The following STXBP6 variants were observed in gnomAD, a reference collection of about 807,000 sequenced individuals.
STXBP6 encodes the protein syntaxin binding protein 6.
Under a neutral mutation model 26.9 loss-of-function variants are expected in STXBP6, and 21 were observed. The observed-to-expected ratio is 0.78, with a 90% confidence interval of 0.55 to 1.12. The LOEUF (loss-of-function observed/expected upper bound fraction) is 1.12. Among genes scored for constraint, STXBP6 ranks in the 50% most tolerant of loss-of-function variants. STXBP6 has a pLI of 0.00. For missense variants in STXBP6, 232 were observed against 257.9 expected (o/e 0.90, Z 0.69); for synonymous variants, 97 against 92.6 (o/e 1.05, Z -0.27).
At chr14:24,984,062 T>C (rs1035480139) in intron 1 of STXBP6, among the ~76,000 whole-genome samples, 1 of 152,104 alleles carries the variant, frequency 6.6e-6, no homozygotes, top group East Asian at 1.9e-4. Flanking sequence ...TGAAACCCTG[T>C]CTCTAGTAAA....
chr14:24,834,139 T>C (rs923187938), intron 4 of STXBP6, among the ~76,000 whole-genome samples: 4 of 152,272 alleles, frequency 2.6e-5, no homozygotes, highest in African/African-American at 7.2e-5. Flanking sequence ...GGATTGCAGA[T>C]GTGCACCACC....
intron 2 of STXBP6, among the ~76,000 whole-genome samples, chr14:24,883,260 T>C (rs1169837906): frequency 1.3e-5 from 2 of 152,066 alleles, no homozygotes; most frequent in Non-Finnish European, 2.9e-5. Flanking sequence ...CATGTTTTTT[T>C]TTAAAAAATA....
At chr14:24,999,014 A>G (rs1016762784) in intron 1 of STXBP6, among the ~76,000 whole-genome samples, 2 of 152,178 alleles carry the variant, frequency 1.3e-5, no homozygotes, top group African/African-American at 4.8e-5. Context: ...ATATACATAT[A>G]TACATACATT....
intron 2 of STXBP6, among the ~76,000 whole-genome samples, chr14:24,938,469 G>C (rs949588250): frequency 1.3e-5 from 2 of 151,874 alleles, no homozygotes; most frequent in Non-Finnish European, 2.9e-5. Context: ...TTTGCTGTAT[G>C]GTAGACACTG....
At chr14:24,839,236 C>A (rs988372956) in intron 4 of STXBP6, among the ~76,000 whole-genome samples, 5 of 152,124 alleles carry the variant, frequency 3.3e-5, no homozygotes, top group African/African-American at 1.2e-4. Flanking sequence ...CTGTTCAAGT[C>A]CTAATCTGAC....
chr14:24,828,442 T>G (rs1016438506), intron 4 of STXBP6, among the ~76,000 whole-genome samples: 3 of 152,176 alleles, frequency 2.0e-5, no homozygotes, highest in African/African-American at 7.2e-5. Flanking sequence ...CAAAATTGAT[T>G]ATAATTGGAT....
At chr14:24,892,608 T>C (rs1339279329) in intron 2 of STXBP6, among the ~76,000 whole-genome samples, 1 of 152,192 alleles carries the variant, frequency 6.6e-6, no homozygotes, top group South Asian at 2.1e-4. Flanking sequence ...CCCCTCTCCA[T>C]GTTGTCTTCC....
chr14:25,022,828 C>T (rs887701983), intron 1 of STXBP6, among the ~76,000 whole-genome samples: 1 of 152,170 alleles, frequency 6.6e-6, no homozygotes, highest in African/African-American at 2.4e-5. Flanking sequence ...CAACTGCCTA[C>T]TCAACATCAC....
At chr14:24,854,607 AT>A (rs769718300) in intron 4 of STXBP6, among the ~76,000 whole-genome samples, 1 of 152,022 alleles carries the variant, frequency 6.6e-6, no homozygotes, top group Non-Finnish European at 1.5e-5. Context: ...GAAACCTGGG[AT>A]TTCCTGGCCA....
At chr14:24,848,412 C>T (rs1234283834) in intron 4 of STXBP6, among the ~76,000 whole-genome samples, 1 of 152,044 alleles carries the variant, frequency 6.6e-6, no homozygotes, top group East Asian at 1.9e-4. Context: ...ATATTTATGT[C>T]TTCTGGTTGA....
rs2067929024 is a variant in STXBP6, at chr14:24,814,964, T to G, written c.610-2232A>C. 2.0e-5 allele frequency among the ~76,000 whole-genome samples: 3 copies of G among 149,730 alleles called. No homozygotes were observed. The South Asian group carries it at 6.4e-4, about 32-fold the overall frequency. The stretch of plus-strand genomic sequence containing the variant: ...AATTGTGAGAAATAAATTTCTGTTG[T>G]ATATAAGTCACCCAGTTTATGGTAT... On this transcript the variant is annotated intron_variant, in intron 5 of 5. Transcript: ENST00000323944.
At chr14:24,963,740 C>T (rs1007298687) in intron 2 of STXBP6, among the ~76,000 whole-genome samples, 4 of 152,130 alleles carry the variant, frequency 2.6e-5, no homozygotes, top group African/African-American at 9.7e-5. Flanking sequence ...TCAGGTGCTT[C>T]ACAATTTTAA....
intron 2 of STXBP6, among the ~76,000 whole-genome samples, chr14:24,959,381 A>G (rs2073451015): frequency 6.6e-6 from 1 of 152,176 alleles, no homozygotes; most frequent in Admixed American, 6.5e-5. Flanking sequence ...TGGACAGGTC[A>G]CCTGAGTGAG....
intron 1 of STXBP6, among the ~76,000 whole-genome samples, chr14:25,031,329 A>G (rs891370678): frequency 6.6e-6 from 1 of 152,208 alleles, no homozygotes; most frequent in Non-Finnish European, 1.5e-5. Flanking sequence ...GATTGGAATT[A>G]AGAATTCTGA....
chr14:24,997,549 G>C (rs1019717666), intron 1 of STXBP6, among the ~76,000 whole-genome samples: 11 of 152,172 alleles, frequency 7.2e-5, no homozygotes, highest in Non-Finnish European at 1.2e-4. Flanking sequence ...TAAACTCCTA[G>C]TGCTCAGTAT....
intron 2 of STXBP6, among the ~76,000 whole-genome samples, chr14:24,870,276 CCT>C (rs1156860183): frequency 1.3e-5 from 2 of 152,002 alleles, no homozygotes; most frequent in African/African-American, 4.8e-5. Context: ...ATGTGAAGTC[CCT>C]AGATCAACAA....
At chr14:24,930,914 A>G in intron 2 of STXBP6, among the ~76,000 whole-genome samples, 1 of 148,432 alleles carries the variant, frequency 6.7e-6, no homozygotes, top group Non-Finnish European at 1.5e-5. Flanking sequence ...GATCGAGACC[A>G]TCCTGGCTAA....
chr14:24,855,956 C>T lies in STXBP6; in HGVS notation c.431G>A (p.Cys144Tyr). The T allele has an allele frequency of 2.5e-6, 4 of 1,603,512 alleles. No homozygotes were observed. The highest frequency in any genetic ancestry group is 3.4e-6 in the Non-Finnish European group (4 of 1,176,156). The part of the protein sequence containing the change: ...LTDRKPEFIN[C>Y]QSKIMGGNSI... ...CTCACCTCCCATAATTTTGGATTGGCAGTTAATAAACTCTGGCTTCCTGTC... is the reference window on the plus strand; with the variant it reads ...CTCACCTCCCATAATTTTGGATTGGTAGTTAATAAACTCTGGCTTCCTGTC... The change falls in exon 4 of 6, where the codon TGC (cysteine) becomes TAC (tyrosine). Residue 144 changes from cysteine to tyrosine, a missense_variant. By Grantham distance (194) the Cys-to-Tyr change is radical. Transcript: ENST00000323944.
chr14:24,925,397 G>A (rs1030550649), intron 2 of STXBP6, among the ~76,000 whole-genome samples: 1 of 152,144 alleles, frequency 6.6e-6, no homozygotes, highest in African/African-American at 2.4e-5. Flanking sequence ...TTCATTTAAG[G>A]CACAAGTAAT....
Sources: allele counts gnomAD v4.1 joint callset (sites outside exome capture counted in the v4.1 genomes callset), GRCh38; gene constraint gnomAD v4.1.1; transcripts MANE v1.5; gene names NCBI Gene and HGNC (gene_info 2026-07-23, HGNC 2026-07-21).